Variants in PTGDS observed in about 807,000 individuals in gnomAD.
The protein encoded by PTGDS is prostaglandin D2 synthase, also known as prostaglandin-H2 D-isomerase.
Under a neutral mutation model 28.4 loss-of-function variants are expected in PTGDS, and 21 were observed. The observed-to-expected ratio is 0.74, with a 90% CI of 0.52 to 1.07. The LOEUF is 1.07. Ranked by LOEUF, PTGDS falls within the 50% of genes least tolerant of loss-of-function variation. The pLI is 0.00. For missense variants in PTGDS, 243 were observed against 247.7 expected (o/e 0.98, Z 0.13); for synonymous variants, 102 against 106.0 (o/e 0.96, Z 0.23).
chr9:136,980,632 C>T, intron 5 of PTGDS: 1 of 1,531,744 alleles, frequency 6.5e-7, no homozygotes, highest in Non-Finnish European at 8.8e-7. Flanking sequence ...TAGGGGTGGA[C>T]AGCCTGCTCT....
chr9:136,980,064 T>G lies in PTGDS; in HGVS notation c.448+2T>G. The G allele has an allele frequency of 1.9e-6, 3 of 1,610,840 alleles. No homozygotes were observed. The highest frequency in any genetic ancestry group is 2.5e-6 in the Non-Finnish European group (3 of 1,178,732). ...ACTTCCGCATGGCCACCCTCTACAGTACGTGCCCCGTGGACGCCGCCCACA... is the reference window on the plus strand; with the variant it reads ...ACTTCCGCATGGCCACCCTCTACAGGACGTGCCCCGTGGACGCCGCCCACA... On this transcript the variant is annotated splice_donor_variant, in intron 4 of 6. Transcript: ENST00000371625. LOFTEE classifies it high-confidence loss of function.
Position 136,980,288 on chromosome 9 carries a change from A to AG in PTGDS, c.550+8dup. 6.2e-7 allele frequency: 1 copy of AG among 1,613,490 alleles called. No homozygotes were observed. Among genetic ancestry groups the AG allele is most frequent in the Non-Finnish European group, 8.5e-7 (1 of 1,179,550 alleles). On this transcript the variant is annotated splice_donor_region_variant and intron_variant, in intron 5 of 6. Transcript: ENST00000371625. ...ATTGTCTTCCTGCCCCAAACCGGTGAGGGGTCCTAATCTGATGGGGAGAGG... is the reference window on the plus strand; with the variant it reads ...ATTGTCTTCCTGCCCCAAACCGGTGAGGGGGTCCTAATCTGATGGGGAGAGG...
Position 136,979,113 on chromosome 9 carries a change from C to G in PTGDS, c.235C>G (p.Leu79Val), listed in dbSNP as rs532268505. The G allele has an allele frequency of 1.4e-4, 222 of 1,612,432 alleles. No homozygotes were observed. In the East Asian group the frequency reaches 4.9e-3, roughly 35 times the overall value. Residue 79 changes from leucine (L) to valine (V), a missense_variant, in exon 2 of 7, where the codon CTG (leucine) becomes GTG (valine). Transcript: ENST00000371625. ...CCCTGCCACGGATGGTGGCCTCAACCTGACCTCCACCTTCCTCAGGTGGGA... is the reference window on the plus strand; with the variant it reads ...CCCTGCCACGGATGGTGGCCTCAACGTGACCTCCACCTTCCTCAGGTGGGA... ...VAPATDGGLN[L>V]TSTFLRKNQC...
intron 3 of PTGDS, chr9:136,979,530 T>C (rs1316055769): frequency 1.5e-6 from 2 of 1,345,348 alleles, no homozygotes; most frequent in Admixed American, 2.4e-5. Flanking sequence ...ACCATTGTCT[T>C]GTCAGGCCCC....
Position 136,977,648 on chromosome 9 carries a change from C to T in PTGDS, c.70C>T (p.Pro24Ser). The T allele has an allele frequency of 1.2e-6, 2 of 1,608,206 alleles. No homozygotes were observed. Among genetic ancestry groups the T allele is most frequent in the South Asian group, 2.2e-5 (2 of 90,356 alleles). Residue 24 changes from proline (P) to serine (S), a missense_variant, in exon 1 of 7, where the codon CCG becomes TCG. By Grantham distance (74) the Pro-to-Ser change is moderately conservative (BLOSUM62 -1). Coordinates refer to ENST00000371625, the MANE Select transcript of PTGDS (RefSeq NM_000954.6). The stretch of plus-strand genomic sequence containing the variant: ...GGTGCTGGGCGACCTGCAGGCAGCA[C>T]CGGAGGCCCAGGTCTCCGTGCAGCC... Reference protein sequence around the residue: ...LGVLGDLQAAPEAQVSVQPNF... With the variant: ...LGVLGDLQAASEAQVSVQPNF...
chr9:136,980,000 C>T lies in PTGDS; in HGVS notation c.386C>T (p.Ala129Val), dbSNP rs1278604696. ...SVVETDYDQY[A>V]LLYSQGSKGP... Reference sequence around the variant, plus strand: ...GTGGAGACCGACTACGACCAGTACGCGCTGCTGTACAGCCAGGGCAGCAAG... The same window carrying T: ...GTGGAGACCGACTACGACCAGTACGTGCTGCTGTACAGCCAGGGCAGCAAG... Residue 129 changes from alanine to valine, a missense_variant, in exon 4 of 7, where the codon GCG becomes GTG. Transcript: ENST00000371625. The T allele has an allele frequency of 1.3e-5, 21 of 1,613,142 alleles. No individual in the cohort carries two copies. Among genetic ancestry groups the T allele is most frequent in the East Asian group, 2.2e-5 (1 of 44,866 alleles).
In PTGDS at chr9:136,980,417, G is replaced by A. The variant is rs1033625310; in HGVS notation, c.550+133G>A. 5.7e-6 allele frequency: 6 copies of A among 1,047,968 alleles called. No homozygotes were observed. In the African/African-American group the frequency reaches 8.0e-5, roughly 14 times the overall value. 64.9% of individuals were successfully genotyped at this position (1,047,968 alleles called of 1,614,324 possible). On this transcript the variant is annotated intron_variant, in intron 5 of 6. Coordinates refer to ENST00000371625, the MANE Select transcript of PTGDS (RefSeq NM_000954.6). ...GAGGCCTGGGCCAGGGACAGAGGGG[G>A]TGAGTGTTCAAGTCAGAACCTCCCT...
chr9:136,980,805 C>T (rs749550609), intron 5 of PTGDS, 28 bp from the exon 6 acceptor site: 31 of 1,613,794 alleles, frequency 1.9e-5, no homozygotes, highest in Non-Finnish European at 2.5e-5. Flanking sequence ...GGGGTTCTGA[C>T]GACAGCCCCT....
At chr9:136,980,133 C>T (rs1447514049) in intron 4 of PTGDS, 50 bp from the exon 5 acceptor site, 1 of 1,608,272 alleles carries the variant, frequency 6.2e-7, no homozygotes, top group South Asian at 1.1e-5. Context: ...CAGGGCAGGG[C>T]ACACAGCATC....
At chr9:136,981,105 G>A in intron 6 of PTGDS, 6 of 568,382 alleles carry the variant, frequency 1.1e-5, no homozygotes, top group South Asian at 1.0e-4. Context: ...ACTCCTGAAG[G>A]CTCATGGTTG....
chr9:136,978,504 G>GA (rs2131396440), intron 1 of PTGDS, among the ~76,000 whole-genome samples: 3 of 143,836 alleles, frequency 2.1e-5, no homozygotes, highest in Admixed American at 1.4e-4. Context: ...TCCTGGGGCG[G>GA]GGCGTGAGGG....
intron 3 of PTGDS, 196 bp downstream of exon 3, chr9:136,979,495 G>T: frequency 6.6e-7 from 1 of 1,510,996 alleles, no homozygotes; most frequent in Non-Finnish European, 8.9e-7. Flanking sequence ...CCTTCCTCCA[G>T]GGGGTTGGAT....
chr9:136,979,145 G>C lies in PTGDS; in HGVS notation c.254+13G>C. On this transcript the variant is annotated intron_variant, in intron 2 of 6. Transcript: ENST00000371625. ...CCACCTTCCTCAGGTGGGACAGCGG[G>C]CAGGTGGGTTTCTGGGACGGAGAGG... 1 of 1,612,954 alleles carries C rather than the reference G, an allele frequency of 6.2e-7. No individual in the cohort carries two copies. The highest frequency in any genetic ancestry group is 1.7e-5 in the Admixed American group (1 of 59,994).
rs1830433004 is a variant in PTGDS at position 136,980,194 on chromosome 9, A to AC, written c.465dup (p.Arg156GlnfsTer3). 7 of 1,613,594 alleles carry AC rather than the reference A, an allele frequency of 4.3e-6. No homozygotes were observed. Among genetic ancestry groups the AC allele is most frequent in the Non-Finnish European group, 5.9e-6 (7 of 1,179,924 alleles). Reference sequence around the variant, plus strand: ...CCACCCTGTCCCAGGCCGAACCCAGACCCCCAGGGCTGAGTTAAAGGAGAA... The same window carrying AC: ...CCACCCTGTCCCAGGCCGAACCCAGACCCCCCAGGGCTGAGTTAAAGGAGAA... On this transcript the variant is annotated frameshift_variant, in exon 5 of 7. Transcript: ENST00000371625. LOFTEE classifies it high-confidence loss of function.
At position 136,980,044 on chromosome 9, in the gene PTGDS, C is replaced by T. The variant is rs767863601; in HGVS notation, c.430C>T (p.Arg144Cys). 7.4e-6 allele frequency: 12 copies of T among 1,612,288 alleles called. No individual in the cohort carries two copies. Among genetic ancestry groups the T allele is most frequent in the Admixed American group, 5.0e-5 (3 of 59,942 alleles). The change falls in exon 4 of 7, where the codon CGC (arginine) becomes TGC (cysteine). Residue 144 changes from arginine (R) to cysteine (C), a missense_variant. Coordinates refer to ENST00000371625, the MANE Select transcript of PTGDS (RefSeq NM_000954.6). ...CAGCAAGGGCCCTGGCGAGGACTTC[C>T]GCATGGCCACCCTCTACAGTACGTG... Reference protein sequence around the residue: ...QGSKGPGEDFRMATLYSRTQT... With the variant: ...QGSKGPGEDFCMATLYSRTQT...
At position 136,980,080 on chromosome 9, in the gene PTGDS, G is replaced by A. The variant is rs370589917; in HGVS notation, c.448+18G>A. On this transcript the variant is annotated intron_variant, in intron 4 of 6. Coordinates refer to ENST00000371625, the MANE Select transcript of PTGDS (RefSeq NM_000954.6). ...CCTCTACAGTACGTGCCCCGTGGACGCCGCCCACACGCAGGCCTGACCAGA... is the reference window on the plus strand; with the variant it reads ...CCTCTACAGTACGTGCCCCGTGGACACCGCCCACACGCAGGCCTGACCAGA... The A allele has an allele frequency of 1.4e-5, 23 of 1,607,298 alleles. No individual in the cohort carries two copies. Among genetic ancestry groups the A allele is most frequent in the East Asian group, 4.5e-5 (2 of 44,838 alleles).
intron 6 of PTGDS, among the ~76,000 whole-genome samples, chr9:136,981,307 G>T (rs1830445809): frequency 6.6e-6 from 1 of 152,142 alleles, no homozygotes; most frequent in African/African-American, 2.4e-5. Flanking sequence ...TCGGAGAGCA[G>T]GCTCAGGGCG....
rs146717258 is a variant in PTGDS, at chr9:136,980,866, CCATTCATTCATT to C, written c.*38_*49del. ...ATGACGGAACAATAGGTGAGCCACTCCATTCATTCATTCATTCATTCATTCATTCATTCATTC... is the reference window on the plus strand; with the variant it reads ...ATGACGGAACAATAGGTGAGCCACTCCATTCATTCATTCATTCATTCATTC... On this transcript the variant is annotated intron_variant, in intron 6 of 6. Transcript: ENST00000371625. 56 of 1,319,780 alleles carry C rather than the reference CCATTCATTCATT, an allele frequency of 4.2e-5. No homozygotes were observed. The highest frequency in any genetic ancestry group is 1.1e-4 in the East Asian group (4 of 38,018). The allele number at this position is 1,319,780 out of a possible 1,614,324, so 81.8% of individuals were successfully genotyped here. A position where few individuals can be genotyped will look rare whatever the true frequency, so the allele number is the denominator to read the frequency against.
chr9:136,980,819 T>G lies in PTGDS; in HGVS notation c.551-14T>G. The G allele has an allele frequency of 6.2e-7, 1 of 1,613,986 alleles. No homozygotes were observed. The highest frequency in any genetic ancestry group is 1.3e-5 in the African/African-American group (1 of 75,024). On this transcript the variant is annotated splice_polypyrimidine_tract_variant and intron_variant, in intron 5 of 6. Coordinates refer to ENST00000371625, the MANE Select transcript of PTGDS (RefSeq NM_000954.6). The stretch of plus-strand genomic sequence containing the variant: ...TGGGGTTCTGACGACAGCCCCTGGC[T>G]TCTTTCTTGGCAGATAAGTGCATGA...
Sources: allele counts gnomAD v4.1 joint callset (sites outside exome capture counted in the v4.1 genomes callset), GRCh38; gene constraint gnomAD v4.1.1; transcripts MANE v1.5; gene names NCBI Gene and HGNC (gene_info 2026-07-23, HGNC 2026-07-21).